Variants in ZFHX3 observed in about 807,000 individuals in gnomAD.
ZFHX3 encodes the protein zinc finger homeobox 3.
ZFHX3 carries 42 observed loss-of-function variants against 279.1 expected under a neutral mutation model. The ratio of observed to expected loss-of-function variants is 0.15; its 90% CI spans 0.12 to 0.19. ZFHX3 has a LOEUF of 0.19. ZFHX3 is among the 10% of genes least tolerant of loss of function. The pLI is 1.00. For synonymous variants in ZFHX3, 2,293 were observed against 1,957.8 expected (o/e 1.17, Z -4.52); for missense variants, 4,981 against 4,754.0 (o/e 1.05, Z -1.40).
intron 4 of ZFHX3, among the ~76,000 whole-genome samples, chr16:72,873,967 T>C (rs547649071): frequency 4.6e-5 from 7 of 152,292 alleles, no homozygotes; most frequent in Admixed American, 3.9e-4. Flanking sequence ...ATAAGCATAC[T>C]TCCTTGCTAA....
intron 1 of ZFHX3, chr16:73,005,999 G>A (rs918168825): frequency 9.9e-5 from 15 of 152,056 alleles, no homozygotes; most frequent in Admixed American, 5.9e-4. Flanking sequence ...AAAATGTTAC[G>A]TTGTAACTGA....
chr16:73,564,828 A>G (rs968016250), intron 2 of ZFHX3, among the ~76,000 whole-genome samples: 3 of 152,186 alleles, frequency 2.0e-5, no homozygotes, highest in African/African-American at 4.8e-5. Flanking sequence ...TCTCCACGTC[A>G]TGTTCTTAAA....
intron 1 of ZFHX3, among the ~76,000 whole-genome samples, chr16:73,855,518 G>A (rs891373477): frequency 1.3e-5 from 2 of 152,084 alleles, no homozygotes; most frequent in Non-Finnish European, 2.9e-5. Flanking sequence ...GGAGGAGGAG[G>A]AGGAGGAGGA....
intron 4 of ZFHX3, among the ~76,000 whole-genome samples, chr16:72,859,854 A>G: frequency 6.6e-6 from 1 of 152,196 alleles, no homozygotes; most frequent in East Asian, 1.9e-4. Flanking sequence ...TGAGATCAGA[A>G]GAGTTTACAG....
chr16:73,513,119 C>A (rs995569563), intron 2 of ZFHX3, among the ~76,000 whole-genome samples: 1 of 152,106 alleles, frequency 6.6e-6, no homozygotes, highest in African/African-American at 2.4e-5. Flanking sequence ...CAGCTGGCAA[C>A]CAGAGATCTC....
At chr16:73,327,958 G>A (rs180898227) in intron 3 of ZFHX3, among the ~76,000 whole-genome samples, 2 of 152,338 alleles carry the variant, frequency 1.3e-5, no homozygotes, top group Admixed American at 6.5e-5. Context: ...ATAGACACAA[G>A]CATTTAATTT....
chr16:73,740,451 G>A (rs17326159), intron 1 of ZFHX3, among the ~76,000 whole-genome samples: 6,352 of 152,098 alleles, frequency 0.042, 192 homozygotes, highest in Non-Finnish European at 0.066. Flanking sequence ...TGGCAGGCAG[G>A]TGAGTTTTCC....
chr16:73,578,634 T>A (rs536355034), intron 2 of ZFHX3, among the ~76,000 whole-genome samples: 3 of 152,298 alleles, frequency 2.0e-5, no homozygotes, highest in South Asian at 2.1e-4. Flanking sequence ...TGTTTTTTTT[T>A]AAATACTCCC....
intron 2 of ZFHX3, among the ~76,000 whole-genome samples, chr16:73,630,294 T>C (rs987885258): frequency 2.6e-5 from 4 of 152,204 alleles, no homozygotes; most frequent in African/African-American, 9.6e-5. Flanking sequence ...AATTGGAAAT[T>C]AATTTGATCA....
intron 4 of ZFHX3, among the ~76,000 whole-genome samples, chr16:72,868,827 G>A (rs1191785534): frequency 1.4e-5 from 2 of 142,842 alleles, no homozygotes; most frequent in Non-Finnish European, 3.1e-5. Context: ...CTCAGGAGTT[G>A]TAAGAAACAA....
intron 3 of ZFHX3, among the ~76,000 whole-genome samples, chr16:72,922,206 C>T (rs914376296): frequency 3.3e-5 from 5 of 152,214 alleles, no homozygotes; most frequent in Non-Finnish European, 5.9e-5. Context: ...ACCCAGACTA[C>T]CCTATCTTTA....
intron 4 of ZFHX3, among the ~76,000 whole-genome samples, chr16:73,274,420 G>C (rs894622616): frequency 2.0e-5 from 3 of 152,114 alleles, no homozygotes; most frequent in Non-Finnish European, 4.4e-5. Context: ...CTTTGTTTTA[G>C]AAAGTGTGCC....
chr16:72,995,876 G>A (rs1275428228), intron 1 of ZFHX3, among the ~76,000 whole-genome samples: 6 of 152,084 alleles, frequency 3.9e-5, no homozygotes, highest in Admixed American at 6.6e-5. Flanking sequence ...AATAAACGTC[G>A]GTATTTTCCA....
At chr16:73,572,246 A>C (rs2051747677) in intron 2 of ZFHX3, among the ~76,000 whole-genome samples, 1 of 151,680 alleles carries the variant, frequency 6.6e-6, no homozygotes, top group South Asian at 2.1e-4. Context: ...AGGTAGGCAT[A>C]GTCAACATTC....
At chr16:73,794,981 A>G (rs539722836) in intron 1 of ZFHX3, among the ~76,000 whole-genome samples, 2 of 152,300 alleles carry the variant, frequency 1.3e-5, no homozygotes, top group African/African-American at 4.8e-5. Context: ...ATTCATAAAC[A>G]CACCCAGGAC....
At chr16:73,040,217 G>C (rs1265290690) in intron 1 of ZFHX3, among the ~76,000 whole-genome samples, 1 of 152,132 alleles carries the variant, frequency 6.6e-6, no homozygotes, top group Non-Finnish European at 1.5e-5. Context: ...ACAGGCAACG[G>C]AGCAGCAAAG....
rs931562133 is a variant in ZFHX3, at chr16:72,785,280, T to G, written c.*1884A>C. 1 of 152,674 alleles carries G rather than the reference T, an allele frequency of 6.5e-6. No individual in the cohort carries two copies. The highest frequency in any genetic ancestry group is 1.9e-4 in the East Asian group (1 of 5,202). The allele number at this position is 152,674 out of a possible 1,614,324, so 9.5% of individuals were successfully genotyped here. A position where few individuals can be genotyped will look rare whatever the true frequency, so the allele number is the denominator to read the frequency against. Reference sequence around the variant, plus strand: ...GTGTGTGTTAACAGGAATATGGATATTAACAGAAACAAGTGCCTCACATAC... The same window carrying G: ...GTGTGTGTTAACAGGAATATGGATAGTAACAGAAACAAGTGCCTCACATAC... On this transcript the variant is annotated 3_prime_UTR_variant, in exon 10 of 10. Transcript: ENST00000268489.
intron 1 of ZFHX3, among the ~76,000 whole-genome samples, chr16:73,878,940 G>GATGTATATATAT (rs1288348948): frequency 3.7e-4 from 52 of 141,034 alleles, no homozygotes; most frequent in African/African-American, 1.2e-3. Flanking sequence ...AAAAAGATAA[G>GATGTATATATAT]ATATATATAT....
At chr16:73,063,907 G>C (rs1393265605), upstream of ZFHX3, among the ~76,000 whole-genome samples, 1 of 152,142 alleles carries the variant, frequency 6.6e-6, no homozygotes, top group African/African-American at 2.4e-5. Context: ...AAGAGCAGAG[G>C]GTCTGAAGTC....
Sources: gnomAD v4.1 joint callset for allele counts (sites outside exome capture counted in the v4.1 genomes callset) on GRCh38, gnomAD v4.1.1 for gene constraint, MANE v1.5 for transcripts, NCBI Gene and HGNC (gene_info 2026-07-23, HGNC 2026-07-21) for gene names.